Variants in NAV3 observed in about 807,000 individuals in gnomAD.
The protein encoded by NAV3 is pore membrane and/or filament interacting like protein 1.
Under a neutral mutation model 244.7 loss-of-function variants are expected in NAV3, and 87 were observed. The observed-to-expected ratio is 0.36, with a 90% CI of 0.30 to 0.42. The LOEUF is 0.42. Among genes scored for constraint, NAV3 ranks in the 20% least tolerant of loss-of-function variants. The pLI, the probability that NAV3 is intolerant of heterozygous loss-of-function variation, is 1.00. For synonymous variants in NAV3, 1,126 were observed against 1,042.2 expected, an observed-to-expected ratio of 1.08 and a Z score of -1.55; for missense variants, 2,663 against 2,893.3, an observed-to-expected ratio of 0.92 and a Z score of 1.83.
intron 2 of NAV3, among the ~76,000 whole-genome samples, chr12:77,794,830 G>A (rs576120811): frequency 1.6e-4 from 24 of 152,254 alleles, no homozygotes; most frequent in East Asian, 3.9e-4. Flanking sequence ...AGCACAAATC[G>A]TGCTCATAAA....
intron 2 of NAV3, among the ~76,000 whole-genome samples, chr12:77,692,949 G>A (rs1028789600): frequency 1.3e-5 from 2 of 152,094 alleles, no homozygotes; most frequent in African/African-American, 4.8e-5. Flanking sequence ...CCCTAAACAA[G>A]TTATGTCTGA....
chr12:77,734,279 A>G (rs1375837835), intron 2 of NAV3, among the ~76,000 whole-genome samples: 1 of 151,526 alleles, frequency 6.6e-6, no homozygotes, highest in Non-Finnish European at 1.5e-5. Flanking sequence ...TTTTTTCTCC[A>G]ATGCTTGTTG....
intron 2 of NAV3, among the ~76,000 whole-genome samples, chr12:77,718,890 G>C (rs1220499754): frequency 6.6e-6 from 1 of 151,904 alleles, no homozygotes; most frequent in Middle Eastern, 3.2e-3. Context: ...CCTGACCTCA[G>C]GTGATCTGCC....
intron 2 of NAV3, among the ~76,000 whole-genome samples, chr12:77,685,509 A>ACACC (rs1358509450): frequency 1.3e-5 from 2 of 150,460 alleles, no homozygotes; most frequent in African/African-American, 4.9e-5. Context: ...ACACACACAT[A>ACACC]CCCACACGCA....
chr12:77,641,490 T>C (rs896766601), intron 2 of NAV3, among the ~76,000 whole-genome samples: 3 of 152,138 alleles, frequency 2.0e-5, no homozygotes, highest in African/African-American at 7.2e-5. Context: ...ATTGAAATAG[T>C]AGAAATAAAA....
chr12:77,667,183 G>A (rs1873753105), intron 2 of NAV3, among the ~76,000 whole-genome samples: 2 of 152,192 alleles, frequency 1.3e-5, no homozygotes, highest in African/African-American at 4.8e-5. Flanking sequence ...AGACAGAGTA[G>A]CATGTGAAGA....
chr12:77,989,799 G>A (rs988641609), intron 5 of NAV3, among the ~76,000 whole-genome samples: 5 of 152,062 alleles, frequency 3.3e-5, no homozygotes, highest in Admixed American at 3.3e-4. Context: ...AGCATTTGTG[G>A]CAGTTATACT....
At chr12:77,635,699 G>A (rs1165110079) in intron 2 of NAV3, among the ~76,000 whole-genome samples, 1 of 151,926 alleles carries the variant, frequency 6.6e-6, no homozygotes, top group African/African-American at 2.4e-5. Flanking sequence ...AATAATAACA[G>A]CTAACATTTA....
intron 2 of NAV3, among the ~76,000 whole-genome samples, chr12:77,620,932 C>T (rs1361475509): frequency 1.3e-5 from 2 of 152,156 alleles, no homozygotes; most frequent in Admixed American, 6.5e-5. Context: ...AGCTCAGAAA[C>T]ATCGGTGACA....
rs1157312297 is a variant in NAV3 at position 78,171,512 on chromosome 12, A to G, written c.4981+2646A>G. ...TAAATTGATCAAGAAATATGAAAAA[A>G]TAATTTGCTAGGTTTTAAAACTAAC... On this transcript the variant is annotated intron_variant, in intron 24 of 39. Transcript: ENST00000397909. Among the ~76,000 whole-genome samples, 4 of 151,676 alleles carry G rather than the reference A, an allele frequency of 2.6e-5. No individual in the cohort carries two copies. The East Asian group carries it at 7.7e-4, about 29-fold the overall frequency.
Position 78,189,988 on chromosome 12 carries a change from A to G in NAV3, c.6060A>G (p.Val2020=). Residue 2020 remains valine (V), a synonymous_variant, in exon 34 of 40, where the codon GTA becomes GTG. Transcript: ENST00000397909. Reference sequence around the variant, plus strand: ...TTTTTTTGTTTCTTCTTTCAGGGGTAGAAGAAAATAGTTTGGACAGTTTTG... The same window carrying G: ...TTTTTTTGTTTCTTCTTTCAGGGGTGGAAGAAAATAGTTTGGACAGTTTTG... ...NNIITVNLKG[V]EENSLDSFVF... The G allele has an allele frequency of 1.2e-6, 2 of 1,610,794 alleles. No homozygotes were observed. Among genetic ancestry groups the G allele is most frequent in the Non-Finnish European group, 1.7e-6 (2 of 1,177,674 alleles).
Position 77,913,726 on chromosome 12 carries a change from T to G in NAV3, c.244-26593T>G, listed in dbSNP as rs117054271. Among the ~76,000 whole-genome samples the G allele has an allele frequency of 8.1e-4, 124 of 152,208 alleles. 3 individuals are homozygous for G. In the East Asian group the frequency reaches 0.022, roughly 28 times the overall value. ...CTGGAAGCAAAATAAGAGTTGAGTA[T>G]TTTTACAGTCTCTCACTTAAGCTCT... On this transcript the variant is annotated intron_variant, in intron 1 of 39. Transcript: ENST00000397909.
intron 1 of NAV3, among the ~76,000 whole-genome samples, chr12:77,835,538 G>A (rs999573087): frequency 2.0e-5 from 3 of 152,108 alleles, no homozygotes; most frequent in South Asian, 2.1e-4. Context: ...ATCTAATCCC[G>A]AATTCCTAGA....
chr12:77,985,948 A>G lies in NAV3; in HGVS notation c.672-8855A>G, dbSNP rs1207613038. Among the ~76,000 whole-genome samples the G allele has an allele frequency of 2.6e-5, 4 of 152,172 alleles. No individual in the cohort carries two copies. The East Asian group carries it at 7.7e-4, about 29-fold the overall frequency. The stretch of plus-strand genomic sequence containing the variant: ...GATCTATCTAATCTGAGAAATTAGT[A>G]TTTCTTCCGAAATTAAATTTTTTTG... On this transcript the variant is annotated intron_variant, in intron 5 of 39. Transcript: ENST00000397909.
chr12:78,049,156 C>G (rs910404866), intron 9 of NAV3, among the ~76,000 whole-genome samples: 4 of 152,212 alleles, frequency 2.6e-5, no homozygotes, highest in Admixed American at 2.6e-4. Context: ...TTGCTGGGCT[C>G]CACAGGGGTG....
rs763341796 is a variant in NAV3, at chr12:78,119,387, C to T, written c.3191C>T (p.Ser1064Phe). 1 of 1,614,186 alleles carries T rather than the reference C, an allele frequency of 6.2e-7. No individual in the cohort carries two copies. The highest frequency in any genetic ancestry group is 1.3e-5 in the African/African-American group (1 of 75,062). Residue 1064 changes from serine to phenylalanine, a missense_variant, in exon 15 of 40, where the codon TCC becomes TTC. Physicochemically the swap from Ser to Phe is radical, Grantham distance 155. Around this residue, in one of 6 missense-constraint regions of NAV3, gnomAD observed 1,521 missense variants for 1,497.0 expected, o/e 1.02. Coordinates refer to ENST00000397909, the MANE Select transcript of NAV3 (RefSeq NM_001024383.2). ...SGIGRSTATS[S>F]FGFKKPSGVG... Reference sequence around the variant, plus strand: ...ATTGGAAGATCGACTGCCACCAGCTCCTTTGGCTTTAAGAAACCAAGTGGA... The same window carrying T: ...ATTGGAAGATCGACTGCCACCAGCTTCTTTGGCTTTAAGAAACCAAGTGGA...
chr12:78,149,908 CA>C (rs1376040319), intron 22 of NAV3, among the ~76,000 whole-genome samples: 5 of 152,106 alleles, frequency 3.3e-5, no homozygotes, highest in African/African-American at 1.2e-4. Context: ...TCATTTCATT[CA>C]CGATGTATTC....
chr12:78,018,583 G>A (rs868073691), intron 8 of NAV3, among the ~76,000 whole-genome samples: 1 of 152,110 alleles, frequency 6.6e-6, no homozygotes, highest in Admixed American at 6.6e-5. Flanking sequence ...ATTAGCGGTG[G>A]GCTTTAGACA....
At chr12:77,610,586 A>T (rs1000291926) in intron 2 of NAV3, among the ~76,000 whole-genome samples, 4 of 152,088 alleles carry the variant, frequency 2.6e-5, no homozygotes, top group African/African-American at 4.8e-5. Flanking sequence ...ACACAGATAG[A>T]CGTGGTCACA....
Sources: gnomAD v4.1 joint callset for allele counts (sites outside exome capture counted in the v4.1 genomes callset) on GRCh38, gnomAD v4.1.1 for gene constraint, gnomAD v4.1.1 regional missense constraint, MANE v1.5 for transcripts, NCBI Gene and HGNC (gene_info 2026-07-23, HGNC 2026-07-21) for gene names.